Variants in CCR6 observed in about 807,000 individuals in gnomAD.
CCR6 encodes the protein C-C motif chemokine receptor 6, also known as C-C chemokine receptor type 6.
A neutral mutation model predicts 3.0 loss-of-function variants in CCR6; 2 were observed. The observed-to-expected ratio is 0.66, with a 90% CI of 0.27 to 2.07. The LOEUF is 2.07. Among genes scored for constraint, CCR6 ranks in the 30% most tolerant of loss-of-function variants. CCR6 has a pLI of 0.14. For missense variants in CCR6, 322 were observed against 462.8 expected (o/e 0.70, Z 2.79); for synonymous variants, 193 against 184.3 (o/e 1.05, Z -0.38).
chr6:167,125,000 A>G (rs1026070804), intron 1 of CCR6, among the ~76,000 whole-genome samples: 1 of 152,102 alleles, frequency 6.6e-6, no homozygotes, highest in African/African-American at 2.4e-5. Flanking sequence ...CTATATACAC[A>G]CATGCATACA....
At chr6:167,117,518 G>A (rs1226038428) in intron 1 of CCR6, among the ~76,000 whole-genome samples, 4 of 140,322 alleles carry the variant, frequency 2.9e-5, no homozygotes, top group Admixed American at 7.8e-5. Flanking sequence ...CCGGGTTCAC[G>A]CCATTCTCCT....
chr6:167,125,215 A>T (rs554633465), intron 1 of CCR6, among the ~76,000 whole-genome samples: 1 of 152,354 alleles, frequency 6.6e-6, no homozygotes, highest in East Asian at 1.9e-4. Flanking sequence ...CTGTCTGACA[A>T]TTGTAACACA....
chr6:167,121,615 A>G, upstream of CCR6: 1 of 152,428 alleles, frequency 6.6e-6, no homozygotes, highest in Non-Finnish European at 1.5e-5. Flanking sequence ...AGCAGAGGGG[A>G]GGGTCTTGCT....
At chr6:167,130,349 G>T (rs1781734192) in intron 1 of CCR6, among the ~76,000 whole-genome samples, 2 of 151,678 alleles carry the variant, frequency 1.3e-5, no homozygotes, top group South Asian at 4.1e-4. Context: ...CATTAAAGAA[G>T]GAACAGAAAT....
Position 167,136,113 on chromosome 6 carries a change from G to A in CCR6, c.-22G>A. 1 of 1,613,008 alleles carries A rather than the reference G, an allele frequency of 6.2e-7. No homozygotes were observed. The highest frequency in any genetic ancestry group is 1.1e-5 in the South Asian group (1 of 90,720). On this transcript the variant is annotated 5_prime_UTR_variant, in exon 2 of 3. Transcript: ENST00000341935. This position sits in a 1 kb window ranked among gnomAD's most constrained non-coding sequence, Gnocchi z 4.6. ...CCATACACTCCTTTTTCTACAACCA[G>A]CTTGCATTTTTTCTGCCCACAATGA...
At chr6:167,120,469 A>G (rs1442742293), upstream of CCR6, among the ~76,000 whole-genome samples, 1 of 152,152 alleles carries the variant, frequency 6.6e-6, no homozygotes, top group Admixed American at 6.5e-5. Context: ...TGTGTGTGCT[A>G]TGGCCTCCAG....
At chr6:167,125,497 T>C (rs1282527520) in intron 1 of CCR6, among the ~76,000 whole-genome samples, 3 of 152,006 alleles carry the variant, frequency 2.0e-5, no homozygotes, top group African/African-American at 7.3e-5. Context: ...TCCCTGAGAG[T>C]GTGTGCTGTG....
At chr6:167,117,706 C>G (rs554109055) in intron 1 of CCR6, among the ~76,000 whole-genome samples, 1 of 151,984 alleles carries the variant, frequency 6.6e-6, no homozygotes, top group Non-Finnish European at 1.5e-5. Flanking sequence ...TGAGCCACCG[C>G]GCCCGGCCTC....
chr6:167,117,419 T>C (rs74935938), intron 1 of CCR6, among the ~76,000 whole-genome samples: 77 of 139,996 alleles, frequency 5.5e-4, no homozygotes, highest in African/African-American at 1.9e-3. Flanking sequence ...TTTTTTCTTT[T>C]TTTTTTTTTT....
intron 1 of CCR6, 31 bp downstream of exon 1, chr6:167,123,254 T>G (rs1174766102): frequency 6.5e-6 from 1 of 152,816 alleles, no homozygotes; most frequent in Non-Finnish European, 1.5e-5. Context: ...GAGACTTTTC[T>G]TTCAAAAATG....
intron 1 of CCR6, among the ~76,000 whole-genome samples, chr6:167,116,497 C>A (rs1241673194): frequency 6.6e-6 from 1 of 152,252 alleles, no homozygotes; most frequent in Non-Finnish European, 1.5e-5. Flanking sequence ...TGTGTCCTCC[C>A]TTCTCCCAGC....
intron 1 of CCR6, chr6:167,131,239 C>T (rs1196747558): frequency 1.3e-5 from 2 of 152,276 alleles, no homozygotes; most frequent in Non-Finnish European, 2.9e-5. Context: ...GTCATCGCTG[C>T]ACTTCAGTGC....
Position 167,136,611 on chromosome 6 carries a change from C to A in CCR6, c.381C>A (p.Ile127=), listed in dbSNP as rs1781853464. ...TCKLLKGIYA[I]NFNCGMLLLT... is the part of the protein sequence containing the mutation. ...AGTTGCTAAAAGGCATCTATGCCATCAACTTTAACTGCGGGATGCTGCTCC... is the reference window on the plus strand; with the variant it reads ...AGTTGCTAAAAGGCATCTATGCCATAAACTTTAACTGCGGGATGCTGCTCC... The change falls in exon 3 of 3, where the codon ATC becomes ATA. Residue 127 remains isoleucine (I), a synonymous_variant. Coordinates refer to ENST00000341935, the MANE Select transcript of CCR6 (RefSeq NM_031409.4). This position sits in a 1 kb window ranked among gnomAD's most constrained non-coding sequence, Gnocchi z 4.6. The A allele has an allele frequency of 3.7e-6, 6 of 1,613,476 alleles. No individual in the cohort carries two copies. Among genetic ancestry groups the A allele is most frequent in the Non-Finnish European group, 5.1e-6 (6 of 1,179,578 alleles).
In CCR6 at chr6:167,134,460, C is replaced by T. The variant is rs41328648; in HGVS notation, c.-97-1578C>T. 7.5e-3 allele frequency among the ~76,000 whole-genome samples: 1,148 copies of T among 152,220 alleles called. 16 individuals carry two copies. The highest frequency in any genetic ancestry group is 0.026 in the African/African-American group (1,064 of 41,534). On this transcript the variant is annotated intron_variant, in intron 1 of 2. Transcript: ENST00000341935. ...CAGTGACTGAGGGGCAGTGAAGAAC[C>T]GATCTCTAAGTTGTGACTCCAGGCA...
Position 167,137,320 on chromosome 6 carries a change from GCAGAT to G in CCR6, c.1091_1095del (p.Ala364GlufsTer14). The G allele has an allele frequency of 6.2e-7, 1 of 1,613,596 alleles. No homozygotes were observed. Among genetic ancestry groups the G allele is most frequent in the Non-Finnish European group, 8.5e-7 (1 of 1,179,904 alleles). On this transcript the variant is annotated frameshift_variant, in exon 3 of 3. Coordinates refer to ENST00000341935, the MANE Select transcript of CCR6 (RefSeq NM_031409.4). LOFTEE classifies it high-confidence loss of function. This position sits in a 1 kb window ranked among gnomAD's most constrained non-coding sequence, Gnocchi z 4.6. ...CATTTCTCGGCAGACCAGTGAGACC[GCAGAT>G]AACGACAATGCGTCGTCCTTCACTA... is the stretch of plus-strand genomic sequence containing the variant.
intron 1 of CCR6, among the ~76,000 whole-genome samples, chr6:167,132,131 C>A (rs1298849021): frequency 6.6e-6 from 1 of 152,200 alleles, no homozygotes; most frequent in East Asian, 1.9e-4. Flanking sequence ...GGTTTTGAGT[C>A]ACCCCCGTTG....
intron 1 of CCR6, chr6:167,126,665 G>A (rs1781673501): frequency 6.6e-6 from 1 of 152,282 alleles, no homozygotes; most frequent in South Asian, 2.1e-4. Context: ...AATGAATGAA[G>A]AGTCCTCTAG....
At chr6:167,129,995 A>G (rs1161612609) in intron 1 of CCR6, among the ~76,000 whole-genome samples, 3 of 151,856 alleles carry the variant, frequency 2.0e-5, no homozygotes, top group Non-Finnish European at 2.9e-5. Flanking sequence ...TCCAAAGAAC[A>G]GTGTGTCCTA....
intron 1 of CCR6, among the ~76,000 whole-genome samples, chr6:167,128,230 G>A (rs979975387): frequency 8.5e-5 from 13 of 152,228 alleles, no homozygotes; most frequent in Non-Finnish European, 1.5e-4. Flanking sequence ...AAGGCAACAC[G>A]TACACAGGTT....
Sources: allele counts gnomAD v4.1 joint callset (sites outside exome capture counted in the v4.1 genomes callset), GRCh38; gene constraint gnomAD v4.1.1; non-coding constraint Gnocchi (gnomAD v3.1); transcripts MANE v1.5; gene names NCBI Gene and HGNC (gene_info 2026-07-23, HGNC 2026-07-21).